AFAP1L2: variants seen among roughly 807,000 people sequenced by gnomAD.
The protein encoded by AFAP1L2 is actin filament-associated protein 1-like 2.
AFAP1L2 carries 46 observed loss-of-function variants against 99.3 expected under a neutral mutation model. The ratio of observed to expected loss-of-function variants is 0.46; its 90% CI spans 0.37 to 0.59. AFAP1L2 has a LOEUF of 0.59. Among genes scored for constraint, AFAP1L2 ranks in the 20% least tolerant of loss-of-function variants. AFAP1L2 has a pLI of 0.00. For synonymous variants in AFAP1L2, 397 were observed against 419.1 expected, an observed-to-expected ratio of 0.95 and a Z score of 0.64; for missense variants, 959 against 1,034.9, an observed-to-expected ratio of 0.93 and a Z score of 1.01.
intron 15 of AFAP1L2, 92 bp downstream of exon 15, chr10:114,300,102 T>C: frequency 6.4e-7 from 1 of 1,551,802 alleles, no homozygotes; most frequent in Non-Finnish European, 8.8e-7. Context: ...TAAACGCCCT[T>C]TCATATATAC....
chr10:114,368,767 AACACACACACACACAC>A lies in AFAP1L2; in HGVS notation c.17-28052_17-28037del, dbSNP rs34854872. Reference sequence around the variant, plus strand: ...AAACATGGATCTTAAGTGTCCTTACAACACACACACACACACACACACACACACACACACACACACA... The same window carrying A: ...AAACATGGATCTTAAGTGTCCTTACAACACACACACACACACACACACACA... On this transcript the variant is annotated intron_variant, in intron 1 of 18. Coordinates refer to ENST00000304129, the MANE Select transcript of AFAP1L2 (RefSeq NM_001001936.3). Among the ~76,000 whole-genome samples, 770 of 140,732 alleles carry A rather than the reference AACACACACACACACAC, an allele frequency of 5.5e-3. 3 individuals carry two copies. The highest frequency in any genetic ancestry group is 0.018 in the African/African-American group (674 of 37,986). 92.3% of individuals were successfully genotyped at this position (140,732 alleles called of 152,430 possible). A position where few individuals can be genotyped will look rare whatever the true frequency, so the allele number is the denominator to read the frequency against.
intron 7 of AFAP1L2, among the ~76,000 whole-genome samples, chr10:114,310,990 T>G (rs1285473003): frequency 1.2e-5 from 1 of 82,510 alleles, no homozygotes; most frequent in Non-Finnish European, 2.2e-5. Context: ...AAGGGGCCTC[T>G]TCACTGGCTT....
chr10:114,365,578 T>C (rs2053100289), intron 1 of AFAP1L2, among the ~76,000 whole-genome samples: 1 of 152,142 alleles, frequency 6.6e-6, no homozygotes, highest in African/African-American at 2.4e-5. Context: ...ACTGGTCCCC[T>C]TCCTCAGTGA....
At chr10:114,328,458 G>A (rs1473653113) in intron 4 of AFAP1L2, among the ~76,000 whole-genome samples, 5 of 152,188 alleles carry the variant, frequency 3.3e-5, no homozygotes, top group African/African-American at 1.2e-4. Flanking sequence ...ATCAAGGGAG[G>A]AAGGGCGGGT....
chr10:114,404,621 A>G (rs902385646), upstream of AFAP1L2: 41 of 1,027,342 alleles, frequency 4.0e-5, no homozygotes, highest in Non-Finnish European at 4.7e-5. Flanking sequence ...GGCCCCCGCC[A>G]GGGCTCGCCC....
chr10:114,326,292 T>C (rs2046282226), intron 4 of AFAP1L2, among the ~76,000 whole-genome samples: 1 of 152,176 alleles, frequency 6.6e-6, no homozygotes, highest in Non-Finnish European at 1.5e-5. Context: ...CCCCTCCCCA[T>C]TCCTGGGGGC....
chr10:114,315,514 C>CCG, intron 6 of AFAP1L2, 46 bp downstream of exon 6: 1 of 1,604,528 alleles, frequency 6.2e-7, no homozygotes, highest in Non-Finnish European at 8.5e-7. Context: ...CTGCCCCTTC[C>CCG]CCAAGGAGAG....
chr10:114,308,470 G>C lies in AFAP1L2; in HGVS notation c.930C>G (p.Ser310=). 6.2e-7 allele frequency: 1 copy of C among 1,614,136 alleles called. No individual in the cohort carries two copies. The highest frequency in any genetic ancestry group is 8.5e-7 in the Non-Finnish European group (1 of 1,180,020). The change falls in exon 9 of 19, where the codon TCC becomes TCG. Residue 310 remains serine (S), a synonymous_variant. Coordinates refer to ENST00000304129, the MANE Select transcript of AFAP1L2 (RefSeq NM_001001936.3). ...KYLSASEYGS[S]VDGHPEVPET... ...CTGGGACCTCAGGGTGGCCATCCAC[G>C]GAGCTCCCATACTCTGAAGCCGACA... is the stretch of plus-strand genomic sequence containing the variant.
At chr10:114,323,285 A>C (rs1278141207) in intron 4 of AFAP1L2, 24 bp from the exon 5 acceptor site, 2 of 1,566,542 alleles carry the variant, frequency 1.3e-6, no homozygotes, top group African/African-American at 1.4e-5. Flanking sequence ...AAATAAGACA[A>C]ACGTTTGCAG....
intron 1 of AFAP1L2, among the ~76,000 whole-genome samples, chr10:114,392,626 G>A (rs940592851): frequency 9.2e-5 from 14 of 152,194 alleles, no homozygotes; most frequent in African/African-American, 2.4e-4. Context: ...CACCAGGAAC[G>A]CTGCCAGCCA....
chr10:114,361,668 G>A lies in AFAP1L2; in HGVS notation c.17-20937C>T, dbSNP rs948665032. ...AGGTCACATCCTATAGTGGAGCCCT[G>A]TCCCAAGCCAGCTACATCGTTGTGC... On this transcript the variant is annotated intron_variant, in intron 1 of 18. Transcript: ENST00000304129. 5.1e-4 allele frequency among the ~76,000 whole-genome samples: 77 copies of A among 152,158 alleles called. 1 individual carries two copies. Among genetic ancestry groups the A allele is most frequent in the African/African-American group, 1.8e-3 (73 of 41,448 alleles).
At chr10:114,329,551 A>G (rs2046937293) in intron 4 of AFAP1L2, among the ~76,000 whole-genome samples, 2 of 152,146 alleles carry the variant, frequency 1.3e-5, no homozygotes, top group Non-Finnish European at 2.9e-5. Flanking sequence ...TGGATTTAGG[A>G]TAGAAAAGTT....
chr10:114,401,871 A>G (rs1359628208), intron 1 of AFAP1L2, among the ~76,000 whole-genome samples: 1 of 152,350 alleles, frequency 6.6e-6, no homozygotes, highest in East Asian at 1.9e-4. Context: ...GCTAAGGAAC[A>G]TGGAAAGACA....
intron 1 of AFAP1L2, among the ~76,000 whole-genome samples, chr10:114,402,841 C>T (rs1417485062): frequency 6.6e-6 from 1 of 152,094 alleles, no homozygotes; most frequent in African/African-American, 2.4e-5. Context: ...ACAACTAACA[C>T]CACCCCCACC....
rs372219696 is a variant in AFAP1L2, at chr10:114,299,288, C to T, written c.2085G>A (p.Glu695=). The T allele has an allele frequency of 6.4e-5, 104 of 1,614,142 alleles. No homozygotes were observed. Among genetic ancestry groups the T allele is most frequent in the Non-Finnish European group, 8.6e-5 (101 of 1,180,056 alleles). The change falls in exon 16 of 19, where the codon GAG becomes GAA. Residue 695 remains glutamate, a synonymous_variant. Coordinates refer to ENST00000304129, the MANE Select transcript of AFAP1L2 (RefSeq NM_001001936.3). Reference sequence around the variant, plus strand: ...TGCATTTCAGTAGGGTTTCCTTTAGCTCCCGTTTCTCTTTCCGGAGCTGAG... The same window carrying T: ...TGCATTTCAGTAGGGTTTCCTTTAGTTCCCGTTTCTCTTTCCGGAGCTGAG... ...HLAQLRKEKR[E]LKETLLKCTD...
chr10:114,286,480 G>A, the AFAP1L2 span: 3 of 1,590,152 alleles, frequency 1.9e-6, no homozygotes, highest in East Asian at 4.5e-5. Context: ...TCCCTGAGCT[G>A]CAGGGGAAGC....
intron 1 of AFAP1L2, among the ~76,000 whole-genome samples, chr10:114,355,209 G>C (rs1054174234): frequency 7.9e-5 from 12 of 151,922 alleles, no homozygotes; most frequent in African/African-American, 2.2e-4. Flanking sequence ...GGATGCGGGT[G>C]GGGGGAGGTT....
chr10:114,333,498 AGTTTTCTAGCC>A (rs2047508198), intron 2 of AFAP1L2, among the ~76,000 whole-genome samples: 1 of 152,186 alleles, frequency 6.6e-6, no homozygotes, highest in Non-Finnish European at 1.5e-5. Context: ...GCTGACTGCT[AGTTTTCTAGCC>A]TGACCGAGGG....
At chr10:114,300,832 G>T in intron 13 of AFAP1L2, 142 bp from the exon 14 acceptor site, 6 of 1,165,030 alleles carry the variant, frequency 5.2e-6, no homozygotes, top group Non-Finnish European at 7.2e-6. Context: ...GGGGCCACTG[G>T]CTGAGTCCTA....
Sources: gnomAD v4.1 joint callset for allele counts (sites outside exome capture counted in the v4.1 genomes callset) on GRCh38, gnomAD v4.1.1 for gene constraint, MANE v1.5 for transcripts, NCBI Gene and HGNC (gene_info 2026-07-23, HGNC 2026-07-21) for gene names.